SNTG2: variants seen among roughly 807,000 people sequenced by gnomAD.
SNTG2 encodes syntrophin gamma 2.
SNTG2 carries 74 observed loss-of-function variants against 70.9 expected under a neutral mutation model. The observed-to-expected ratio is 1.04, with a 90% CI of 0.86 to 1.27. The LOEUF (loss-of-function observed/expected upper bound fraction) is 1.27. Ranked by LOEUF, SNTG2 falls within the 50% of genes most tolerant of loss-of-function variation. The pLI is 0.00. For synonymous variants in SNTG2, 278 were observed against 273.8 expected (o/e 1.02, Z -0.15); for missense variants, 717 against 690.7 (o/e 1.04, Z -0.43).
At chr2:1,136,982 G>C (rs1360791965) in intron 4 of SNTG2, among the ~76,000 whole-genome samples, 1 of 152,170 alleles carries the variant, frequency 6.6e-6, no homozygotes, top group Non-Finnish European at 1.5e-5. Context: ...AACGAAAAAT[G>C]TGCATCAGAC....
intron 1 of SNTG2, among the ~76,000 whole-genome samples, chr2:1,009,755 G>C (rs1419996276): frequency 6.6e-6 from 1 of 152,150 alleles, no homozygotes; most frequent in Non-Finnish European, 1.5e-5. Context: ...TGATACTGGT[G>C]AATCTCCCAA....
At chr2:1,286,254 C>T (rs892938623) in intron 14 of SNTG2, among the ~76,000 whole-genome samples, 5 of 152,182 alleles carry the variant, frequency 3.3e-5, no homozygotes, top group Non-Finnish European at 7.3e-5. Context: ...ACTTCCTCTT[C>T]CACCCCTTGA....
chr2:1,226,073 T>C (rs1231813250), intron 9 of SNTG2, among the ~76,000 whole-genome samples: 2 of 152,192 alleles, frequency 1.3e-5, no homozygotes, highest in Non-Finnish European at 2.9e-5. Context: ...ATTAAAACTT[T>C]CAAAAATGCA....
At chr2:969,609 A>G (rs967763803) in intron 1 of SNTG2, among the ~76,000 whole-genome samples, 5 of 151,956 alleles carry the variant, frequency 3.3e-5, no homozygotes, top group African/African-American at 1.2e-4. Context: ...TAGATATTTT[A>G]TTTTTGTGTG....
chr2:1,114,525 C>A (rs891670533), intron 4 of SNTG2, among the ~76,000 whole-genome samples: 5 of 148,430 alleles, frequency 3.4e-5, no homozygotes, highest in Non-Finnish European at 7.4e-5. Context: ...TGAGGTTTCA[C>A]CCTTACAGTC....
chr2:1,182,008 A>G (rs146252601), intron 8 of SNTG2, among the ~76,000 whole-genome samples: 1 of 152,298 alleles, frequency 6.6e-6, no homozygotes, highest in East Asian at 1.9e-4. Context: ...GCTTCTTCCC[A>G]TCTTCTGCAA....
intron 1 of SNTG2, among the ~76,000 whole-genome samples, chr2:988,303 C>T (rs1353640696): frequency 6.6e-6 from 1 of 152,316 alleles, no homozygotes; most frequent in South Asian, 2.1e-4. Flanking sequence ...CACTCATGAC[C>T]CCAGAGGCCC....
At chr2:999,106 T>C (rs1290750077) in intron 1 of SNTG2, among the ~76,000 whole-genome samples, 5 of 152,096 alleles carry the variant, frequency 3.3e-5, no homozygotes, top group Non-Finnish European at 7.4e-5. Flanking sequence ...TAAAGTAATT[T>C]TCACCAAGAG....
intron 9 of SNTG2, among the ~76,000 whole-genome samples, chr2:1,209,805 G>A (rs544777468): frequency 8.5e-5 from 13 of 152,370 alleles, no homozygotes; most frequent in Non-Finnish European, 1.5e-4. Flanking sequence ...AGGCCCACAA[G>A]TAATGAGTTG....
chr2:1,306,588 T>A (rs887579597), intron 14 of SNTG2, among the ~76,000 whole-genome samples: 1 of 152,096 alleles, frequency 6.6e-6, no homozygotes, highest in African/African-American at 2.4e-5. Context: ...GGGCAGCCCA[T>A]GGAGCGGAGC....
intron 1 of SNTG2, among the ~76,000 whole-genome samples, chr2:958,068 C>T (rs1422360351): frequency 2.0e-5 from 3 of 152,152 alleles, no homozygotes; most frequent in African/African-American, 4.8e-5. Flanking sequence ...TGGAGGGCTT[C>T]GTTCCTTTAA....
intron 4 of SNTG2, among the ~76,000 whole-genome samples, chr2:1,106,337 G>A (rs140388047): frequency 4.9e-3 from 573 of 115,962 alleles, no homozygotes; most frequent in African/African-American, 0.018. Flanking sequence ...TAATGGACAC[G>A]TGCTGTCACT....
At chr2:1,351,851 G>A (rs61333681) in intron 16 of SNTG2, among the ~76,000 whole-genome samples, 5 of 151,976 alleles carry the variant, frequency 3.3e-5, no homozygotes, top group African/African-American at 9.7e-5. Context: ...CCCACGAGGC[G>A]CTTTCCTCCT....
intron 8 of SNTG2, among the ~76,000 whole-genome samples, chr2:1,196,779 A>G (rs1672936017): frequency 6.6e-6 from 1 of 152,158 alleles, no homozygotes; most frequent in Non-Finnish European, 1.5e-5. Context: ...TGTACCTAGA[A>G]AAGCTATTCT....
At chr2:994,267 C>A (rs966822185) in intron 1 of SNTG2, among the ~76,000 whole-genome samples, 1 of 152,072 alleles carries the variant, frequency 6.6e-6, no homozygotes, top group Non-Finnish European at 1.5e-5. Context: ...CTTTTCTTCT[C>A]TCCTTTGAAT....
chr2:1,077,230 C>T (rs559790784), intron 1 of SNTG2, among the ~76,000 whole-genome samples: 16 of 152,188 alleles, frequency 1.1e-4, no homozygotes, highest in Non-Finnish European at 2.1e-4. Flanking sequence ...GCCTAGTCAA[C>T]GTTCACATCT....
chr2:1,209,046 C>G, intron 8 of SNTG2, 57 bp from the exon 9 acceptor site: 1 of 1,596,914 alleles, frequency 6.3e-7, no homozygotes, highest in Non-Finnish European at 8.5e-7. Flanking sequence ...AGATGCCTCT[C>G]CCCGCATGCA....
chr2:1,140,096 T>C (rs1668649506), intron 6 of SNTG2, among the ~76,000 whole-genome samples: 1 of 152,148 alleles, frequency 6.6e-6, no homozygotes. Flanking sequence ...TTTTTCAGAG[T>C]AAATTCTGGC....
intron 8 of SNTG2, among the ~76,000 whole-genome samples, chr2:1,196,922 GA>G (rs1672944175): frequency 6.6e-6 from 1 of 152,094 alleles, no homozygotes; most frequent in Admixed American, 6.5e-5. Flanking sequence ...CTACCATCAT[GA>G]AAAAACATGA....
Sources: gnomAD v4.1 joint callset for allele counts (sites outside exome capture counted in the v4.1 genomes callset) on GRCh38, gnomAD v4.1.1 for gene constraint, MANE v1.5 for transcripts, NCBI Gene and HGNC (gene_info 2026-07-23, HGNC 2026-07-21) for gene names.